The following TTLL7 variants were observed in gnomAD, a reference collection of about 807,000 sequenced individuals.
TTLL7 encodes the protein tubulin polyglutamylase TTLL7.
In TTLL7, 53 loss-of-function variants were observed where a neutral mutation model predicts 120.2. The ratio of observed to expected loss-of-function variants is 0.44; its 90% CI spans 0.35 to 0.55. TTLL7 has a LOEUF of 0.55. Ranked by LOEUF, TTLL7 falls within the 20% of genes least tolerant of loss-of-function variation. The pLI, the probability that TTLL7 is intolerant of heterozygous loss-of-function variation, is 0.00. For missense variants in TTLL7, 803 were observed against 1,054.7 expected, an observed-to-expected ratio of 0.76 and a Z score of 3.31; for synonymous variants, 353 against 351.7, an observed-to-expected ratio of 1.00 and a Z score of -0.04.
chr1:83,884,537 C>G (rs1220745079), intron 19 of TTLL7, among the ~76,000 whole-genome samples: 1 of 151,648 alleles, frequency 6.6e-6, no homozygotes, highest in Non-Finnish European at 1.5e-5. Flanking sequence ...GGGAGTAAGA[C>G]TGAAATGAGT....
At chr1:83,870,204 T>C (rs1186533877) in intron 20 of TTLL7, 122 bp from the exon 21 acceptor site, 6 of 910,722 alleles carry the variant, frequency 6.6e-6, no homozygotes, top group Non-Finnish European at 7.7e-6. Flanking sequence ...AAAAATGCAA[T>C]TCATATAAAA....
At chr1:83,873,030 T>C (rs1653581347) in intron 20 of TTLL7, among the ~76,000 whole-genome samples, 1 of 152,172 alleles carries the variant, frequency 6.6e-6, no homozygotes, top group African/African-American at 2.4e-5. Flanking sequence ...TAATTATCAT[T>C]GTATACTAAT....
chr1:83,997,891 T>C (rs943841743), intron 1 of TTLL7, among the ~76,000 whole-genome samples: 2 of 152,234 alleles, frequency 1.3e-5, no homozygotes, highest in Non-Finnish European at 2.9e-5. Context: ...CACTCTCCTA[T>C]GTAGTGTTGT....
chr1:83,974,843 T>G (rs1161539448), intron 1 of TTLL7, among the ~76,000 whole-genome samples: 1 of 152,096 alleles, frequency 6.6e-6, no homozygotes, highest in Non-Finnish European at 1.5e-5. Context: ...GGTTTAAATT[T>G]TCAATCTAAA....
Position 83,867,354 on chromosome 1 carries a change from G to A in TTLL7, c.*2608C>T, listed in dbSNP as rs1652983496. On this transcript the variant is annotated 3_prime_UTR_variant, in exon 21 of 21. Transcript: ENST00000260505. ...AGTATATATAAATAATGAACACAAGGCTTTTATTCACAACTTCATCATATC... is the reference window on the plus strand; with the variant it reads ...AGTATATATAAATAATGAACACAAGACTTTTATTCACAACTTCATCATATC... 6.6e-6 allele frequency: 1 copy of A among 151,862 alleles called. No homozygotes were observed. The highest frequency in any genetic ancestry group is 1.5e-5 in the Non-Finnish European group (1 of 67,862). 9.4% of individuals were successfully genotyped at this position (151,862 alleles called of 1,614,324 possible).
At chr1:83,909,481 T>C (rs1328264996) in intron 15 of TTLL7, among the ~76,000 whole-genome samples, 1 of 151,874 alleles carries the variant, frequency 6.6e-6, no homozygotes, top group African/African-American at 2.4e-5. Context: ...TCAGCACTAC[T>C]CTGAAGACAA....
rs945428685 is a variant in TTLL7 at position 83,873,444 on chromosome 1, G to A, written c.2544-3362C>T. Among the ~76,000 whole-genome samples, 14 of 152,122 alleles carry A rather than the reference G, an allele frequency of 9.2e-5. No homozygotes were observed. In the East Asian group the frequency reaches 2.7e-3, roughly 29 times the overall value. On this transcript the variant is annotated intron_variant, in intron 20 of 20. Transcript: ENST00000260505. ...TTTAAAGCAGGAAGACTATCTCATG[G>A]AAGTGGGTTTACGGATTAAAGAATT...
At chr1:83,989,257 T>G (rs1267172802) in intron 1 of TTLL7, among the ~76,000 whole-genome samples, 1 of 152,170 alleles carries the variant, frequency 6.6e-6, no homozygotes, top group Non-Finnish European at 1.5e-5. Context: ...ATCAAGGCAA[T>G]GTTGGGAAGG....
intron 10 of TTLL7, among the ~76,000 whole-genome samples, chr1:83,925,148 A>G (rs1457892045): frequency 6.6e-6 from 1 of 152,220 alleles, no homozygotes; most frequent in Non-Finnish European, 1.5e-5. Context: ...AGGGCAATCT[A>G]TATATGAATA....
intron 1 of TTLL7, among the ~76,000 whole-genome samples, chr1:83,998,083 T>C (rs542016487): frequency 1.3e-5 from 2 of 152,324 alleles, no homozygotes; most frequent in East Asian, 1.9e-4. Flanking sequence ...TAATAGAGCA[T>C]ATATATGTAC....
At chr1:83,998,451 G>C (rs965073153) in intron 1 of TTLL7, among the ~76,000 whole-genome samples, 9 of 152,238 alleles carry the variant, frequency 5.9e-5, no homozygotes, top group African/African-American at 2.2e-4. Flanking sequence ...AACAGAGCAA[G>C]ATGTGGAGAA....
At chr1:83,924,095 G>A (rs2100802532) in intron 10 of TTLL7, among the ~76,000 whole-genome samples, 1 of 152,146 alleles carries the variant, frequency 6.6e-6, no homozygotes, top group African/African-American at 2.4e-5. Flanking sequence ...CTCTCTATTT[G>A]TTAATTCCAG....
intron 1 of TTLL7, among the ~76,000 whole-genome samples, chr1:83,958,178 A>G (rs192452450): frequency 1.3e-5 from 2 of 152,320 alleles, no homozygotes; most frequent in East Asian, 3.9e-4. Flanking sequence ...CTGACCTTCA[A>G]AACCCTAAAA....
chr1:83,924,482 T>C (rs1312655666), intron 10 of TTLL7, among the ~76,000 whole-genome samples: 1 of 152,130 alleles, frequency 6.6e-6, no homozygotes, highest in Non-Finnish European at 1.5e-5. Flanking sequence ...CAAATACATA[T>C]GATTCCACTC....
chr1:83,947,223 G>A lies in TTLL7; in HGVS notation c.407C>T (p.Ala136Val). 6.2e-7 allele frequency: 1 copy of A among 1,612,280 alleles called. No homozygotes were observed. The highest frequency in any genetic ancestry group is 8.5e-7 in the Non-Finnish European group (1 of 1,179,384). Residue 136 changes from alanine (A) to valine (V), a missense_variant, in exon 6 of 21, where the codon GCT (alanine) becomes GTT (valine). By Grantham distance (64) the Ala-to-Val change is moderately conservative. Around this residue, in one of 3 missense-constraint regions of TTLL7, gnomAD observed 324 missense variants for 507.7 expected, o/e 0.64. Transcript: ENST00000260505. The part of the protein sequence containing the change: ...TFVPRTWIFP[A>V]EYTQFQNYVK... ...ATAATTTTGGAATTGAGTATATTCAGCAGGAAAGATCCAAGTTCGAGGAAC... is the reference window on the plus strand; with the variant it reads ...ATAATTTTGGAATTGAGTATATTCAACAGGAAAGATCCAAGTTCGAGGAAC...
chr1:83,938,810 T>C (rs1381524109), intron 7 of TTLL7, among the ~76,000 whole-genome samples: 1 of 152,244 alleles, frequency 6.6e-6, no homozygotes, highest in African/African-American at 2.4e-5. Flanking sequence ...CTTTAATTCC[T>C]ACCCTCCTCA....
chr1:83,950,002 T>C lies in TTLL7; in HGVS notation c.158-16A>G. On this transcript the variant is annotated splice_polypyrimidine_tract_variant and intron_variant, in intron 3 of 20. Transcript: ENST00000260505. Reference sequence around the variant, plus strand: ...ACTAAACGAACTGCAAGTAAACAGTTAAGTTAAACCAAAATTAAAATACTT... The same window carrying C: ...ACTAAACGAACTGCAAGTAAACAGTCAAGTTAAACCAAAATTAAAATACTT... 2 of 1,594,978 alleles carry C rather than the reference T, an allele frequency of 1.3e-6. No individual in the cohort carries two copies. The highest frequency in any genetic ancestry group is 1.7e-6 in the Non-Finnish European group (2 of 1,171,266).
At chr1:83,975,074 A>G (rs1444751332) in intron 1 of TTLL7, among the ~76,000 whole-genome samples, 1 of 152,116 alleles carries the variant, frequency 6.6e-6, no homozygotes, top group Non-Finnish European at 1.5e-5. Flanking sequence ...CACAGTGCCT[A>G]TTACATAGTG....
At chr1:83,910,654 G>C (rs1187508342) in intron 15 of TTLL7, among the ~76,000 whole-genome samples, 1 of 152,014 alleles carries the variant, frequency 6.6e-6, no homozygotes, top group Non-Finnish European at 1.5e-5. Flanking sequence ...CATAAGCCCT[G>C]ACTTAAGTAC....
Sources: gnomAD v4.1 joint callset for allele counts (sites outside exome capture counted in the v4.1 genomes callset) on GRCh38, gnomAD v4.1.1 for gene constraint, gnomAD v4.1.1 regional missense constraint, MANE v1.5 for transcripts, NCBI Gene and HGNC (gene_info 2026-07-23, HGNC 2026-07-21) for gene names.